The following CNTN4 variants were observed in gnomAD, a reference collection of about 807,000 sequenced individuals.
The protein encoded by CNTN4 is contactin 4.
CNTN4 carries 77 observed loss-of-function variants against 122.5 expected under a neutral mutation model. The observed-to-expected ratio is 0.63, with a 90% confidence interval of 0.52 to 0.76. The LOEUF is 0.76. CNTN4 is among the 30% of genes least tolerant of loss of function. The pLI, the probability that CNTN4 is intolerant of heterozygous loss-of-function variation, is 0.00. For synonymous variants in CNTN4, 512 were observed against 447.0 expected (o/e 1.15, Z -1.83); for missense variants, 1,256 against 1,259.1 (o/e 1.00, Z 0.04).
intron 2 of CNTN4, among the ~76,000 whole-genome samples, chr3:2,128,044 A>C (rs2034263607): frequency 6.6e-6 from 1 of 152,242 alleles, no homozygotes; most frequent in African/African-American, 2.4e-5. Flanking sequence ...GCTTTTGCAG[A>C]GAGTGTTTCT....
Position 2,946,136 on chromosome 3 carries a change from C to A in CNTN4, c.1358+20357C>A, listed in dbSNP as rs1345200015. On this transcript the variant is annotated intron_variant, in intron 13 of 24. Coordinates refer to ENST00000418658, the MANE Select transcript of CNTN4 (RefSeq NM_175607.3). The stretch of plus-strand genomic sequence containing the variant: ...ACTACCAGTTGAAAACTCTGGTTTT[C>A]AGCCATCCCTGGGGGATGCAGCATA... Among the ~76,000 whole-genome samples, 3 of 152,098 alleles carry A rather than the reference C, an allele frequency of 2.0e-5. No homozygotes were observed. The East Asian group carries it at 5.8e-4, about 29-fold the overall frequency.
At chr3:2,301,211 A>G (rs559747784) in intron 2 of CNTN4, among the ~76,000 whole-genome samples, 1 of 152,170 alleles carries the variant, frequency 6.6e-6, no homozygotes, top group East Asian at 1.9e-4. Context: ...AGAAGAAAAA[A>G]CTTTGTTAGC....
At chr3:2,715,285 G>T (rs1242272470) in intron 4 of CNTN4, among the ~76,000 whole-genome samples, 4 of 152,266 alleles carry the variant, frequency 2.6e-5, no homozygotes, top group Non-Finnish European at 5.9e-5. Flanking sequence ...GGGATAAATT[G>T]TATATGTAAA....
At chr3:2,844,275 C>G (rs559365827) in intron 7 of CNTN4, among the ~76,000 whole-genome samples, 14 of 152,218 alleles carry the variant, frequency 9.2e-5, no homozygotes, top group Non-Finnish European at 1.6e-4. Context: ...TACTGTGTGA[C>G]ATAATACTCC....
At position 2,278,069 on chromosome 3, in the gene CNTN4, A is replaced by T. The variant is rs17011670; in HGVS notation, c.-144-61109A>T. 8.1e-3 allele frequency among the ~76,000 whole-genome samples: 1,227 copies of T among 152,226 alleles called. 18 individuals carry two copies. Among genetic ancestry groups the T allele is most frequent in the African/African-American group, 0.028 (1,162 of 41,534 alleles). On this transcript the variant is annotated intron_variant, in intron 2 of 24. Transcript: ENST00000418658. Reference sequence around the variant, plus strand: ...AACATGGCAACAGATATGATTTTCTAATGGGGCACTTCTCAGCTTTTCATT... The same window carrying T: ...AACATGGCAACAGATATGATTTTCTTATGGGGCACTTCTCAGCTTTTCATT...
intron 2 of CNTN4, among the ~76,000 whole-genome samples, chr3:2,259,549 G>A (rs2040736723): frequency 6.6e-6 from 1 of 152,158 alleles, no homozygotes; most frequent in Non-Finnish European, 1.5e-5. Flanking sequence ...CGTGTCTGGA[G>A]AGGCCTCATA....
intron 3 of CNTN4, among the ~76,000 whole-genome samples, chr3:2,560,593 G>A (rs139633958): frequency 6.6e-6 from 1 of 152,220 alleles, no homozygotes; most frequent in Non-Finnish European, 1.5e-5. Flanking sequence ...CAGTATCTCC[G>A]TTTTATGGAC....
chr3:2,238,269 A>G (rs954659423), intron 2 of CNTN4, among the ~76,000 whole-genome samples: 5 of 152,116 alleles, frequency 3.3e-5, no homozygotes, highest in Middle Eastern at 3.2e-3. Context: ...ACTGATTTTG[A>G]CGGGACTACT....
chr3:2,679,314 G>T (rs1030841012), intron 4 of CNTN4, among the ~76,000 whole-genome samples: 1 of 152,118 alleles, frequency 6.6e-6, no homozygotes, highest in Non-Finnish European at 1.5e-5. Flanking sequence ...CTTGACTGAG[G>T]GGGAGTAGGG....
intron 4 of CNTN4, among the ~76,000 whole-genome samples, chr3:2,592,852 G>T (rs184313256): frequency 7.2e-5 from 11 of 152,322 alleles, no homozygotes; most frequent in Admixed American, 4.6e-4. Context: ...CACAGCCTTA[G>T]AAATGCTCAC....
chr3:2,287,640 GAAGAAGAAGAAGAAGA>G (rs1559415219), intron 2 of CNTN4, among the ~76,000 whole-genome samples: 834 of 58,356 alleles, frequency 0.014, 21 homozygotes, highest in Non-Finnish European at 0.018. Flanking sequence ...AGGAGAAGAA[GAAGAAGAAGAAGAAGA>G]AGAAGAAGAA....
chr3:2,251,671 G>A (rs1183896378), intron 2 of CNTN4, among the ~76,000 whole-genome samples: 1 of 151,662 alleles, frequency 6.6e-6, no homozygotes, highest in East Asian at 1.9e-4. Context: ...TAGTCTCTTA[G>A]GGTGGCATGT....
chr3:3,026,225 G>T lies in CNTN4; in HGVS notation c.1610G>T (p.Gly537Val). ...ATCGTGTTTACTTGGTCATTTAATG[G>T]ACACCTGATAGACTTTGACAGAGAT... is the stretch of plus-strand genomic sequence containing the variant. Reference protein sequence around the residue: ...LDIVFTWSFNGHLIDFDRDGD... With the variant: ...LDIVFTWSFNVHLIDFDRDGD... The change falls in exon 15 of 25, where the codon GGA becomes GTA. Residue 537 changes from glycine (G) to valine (V), a missense_variant. Transcript: ENST00000418658. 6.2e-7 allele frequency: 1 copy of T among 1,613,518 alleles called. No individual in the cohort carries two copies. Among genetic ancestry groups the T allele is most frequent in the Non-Finnish European group, 8.5e-7 (1 of 1,179,552 alleles).
chr3:2,697,346 T>G (rs1197220451), intron 4 of CNTN4, among the ~76,000 whole-genome samples: 2 of 152,234 alleles, frequency 1.3e-5, no homozygotes, highest in Non-Finnish European at 2.9e-5. Context: ...GAACTATACC[T>G]GTCCTATTTT....
chr3:2,688,341 C>G (rs114644458), intron 4 of CNTN4, among the ~76,000 whole-genome samples: 2 of 152,114 alleles, frequency 1.3e-5, no homozygotes, highest in South Asian at 2.1e-4. Context: ...CACCCTCCAC[C>G]CAAGAACCAA....
At chr3:2,271,521 G>A (rs1358790235) in intron 2 of CNTN4, among the ~76,000 whole-genome samples, 2 of 151,976 alleles carry the variant, frequency 1.3e-5, no homozygotes, top group African/African-American at 4.8e-5. Flanking sequence ...CTATATCATA[G>A]GTTTATTATA....
chr3:2,286,255 CATACAA>C (rs2041900761), intron 2 of CNTN4, among the ~76,000 whole-genome samples: 1 of 143,260 alleles, frequency 7.0e-6, no homozygotes, highest in Admixed American at 7.2e-5. Context: ...ACAACATACA[CATACAA>C]ATACATATTT....
At chr3:2,251,486 A>C (rs1424102294) in intron 2 of CNTN4, among the ~76,000 whole-genome samples, 1 of 151,960 alleles carries the variant, frequency 6.6e-6, no homozygotes, top group East Asian at 1.9e-4. Context: ...TCCTTTAGGA[A>C]ATATGTCTTT....
chr3:3,056,058 G>GC (rs1467661355), intron 24 of CNTN4, 62 bp from the exon 25 acceptor site: 1 of 1,251,502 alleles, frequency 8.0e-7, no homozygotes. Context: ...AAGCCCCGTG[G>GC]CCCCTCTTCC....
Sources: gnomAD v4.1 joint callset for allele counts (sites outside exome capture counted in the v4.1 genomes callset) on GRCh38, gnomAD v4.1.1 for gene constraint, MANE v1.5 for transcripts, NCBI Gene and HGNC (gene_info 2026-07-23, HGNC 2026-07-21) for gene names.